TENM3: variants seen among roughly 807,000 people sequenced by gnomAD.
TENM3 encodes the protein teneurin-3.
A neutral mutation model predicts 255.1 loss-of-function variants in TENM3; 63 were observed. That is an observed-to-expected ratio of 0.25 (90% CI 0.20 to 0.30). The LOEUF is 0.30. Among genes scored for constraint, TENM3 ranks in the 10% least tolerant of loss-of-function variants. The pLI, the probability that TENM3 is intolerant of heterozygous loss-of-function variation, is 1.00. For synonymous variants in TENM3, 1,306 were observed against 1,322.3 expected (o/e 0.99, Z 0.27); for missense variants, 2,929 against 3,461.1 (o/e 0.85, Z 3.86).
At chr4:181,580,844 T>A in the TENM3 span, among the ~76,000 whole-genome samples, 33 of 152,266 alleles carry the variant, frequency 2.2e-4, no homozygotes, top group African/African-American at 7.0e-4. Flanking sequence ...TGGTGGTGCC[T>A]GTAGGTTCAG....
At chr4:181,609,332 A>T in the TENM3 span, among the ~76,000 whole-genome samples, 1,935 of 152,326 alleles carry the variant, frequency 0.013, 22 homozygotes, top group Middle Eastern at 0.02. Flanking sequence ...TGCTTTTTTC[A>T]TAATAGCCAG....
chr4:182,054,326 A>G, the TENM3 span, among the ~76,000 whole-genome samples: 1 of 152,168 alleles, frequency 6.6e-6, no homozygotes, highest in Admixed American at 6.5e-5. Context: ...CGGTGTGCTC[A>G]GTGCTTGGAA....
At chr4:181,463,999 C>T in the TENM3 span, among the ~76,000 whole-genome samples, 1 of 152,146 alleles carries the variant, frequency 6.6e-6, no homozygotes, top group Non-Finnish European at 1.5e-5. Flanking sequence ...CTTTTATTGG[C>T]AAACAATACT....
At chr4:182,685,882 CAA>C (rs1756532717) in intron 11 of TENM3, among the ~76,000 whole-genome samples, 1 of 151,914 alleles carries the variant, frequency 6.6e-6, no homozygotes, top group Non-Finnish European at 1.5e-5. Context: ...CTAAATAACT[CAA>C]AAGTTAATTC....
intron 3 of TENM3, among the ~76,000 whole-genome samples, chr4:182,504,540 G>A (rs1736627443): frequency 6.6e-6 from 1 of 152,148 alleles, no homozygotes; most frequent in African/African-American, 2.4e-5. Context: ...CTGTGAATAG[G>A]TGATTTCTTG....
chr4:182,570,619 G>A (rs542991395), intron 3 of TENM3, among the ~76,000 whole-genome samples: 2 of 152,192 alleles, frequency 1.3e-5, no homozygotes, highest in Non-Finnish European at 2.9e-5. Context: ...GGAGGCCAAG[G>A]CAGGCGGATC....
the TENM3 span, among the ~76,000 whole-genome samples, chr4:181,570,494 C>T: frequency 6.7e-6 from 1 of 149,940 alleles, no homozygotes; most frequent in South Asian, 2.1e-4. Context: ...GAGAAAGACC[C>T]TGTCTCAGCG....
the TENM3 span, among the ~76,000 whole-genome samples, chr4:181,673,995 C>A: frequency 6.6e-6 from 1 of 151,828 alleles, no homozygotes; most frequent in Non-Finnish European, 1.5e-5. Context: ...CTTTTCTTTT[C>A]TTTATTTATT....
the TENM3 span, among the ~76,000 whole-genome samples, chr4:181,986,821 A>G: frequency 7.1e-4 from 108 of 152,254 alleles, 1 homozygote; most frequent in East Asian, 0.018. Context: ...TTAAATGATG[A>G]CATAGATATA....
the TENM3 span, among the ~76,000 whole-genome samples, chr4:182,011,771 A>G: frequency 1.0e-2 from 1,517 of 152,276 alleles, 28 homozygotes; most frequent in African/African-American, 0.035. Context: ...GAGTCTATTC[A>G]GCTTTCCTTT....
At chr4:181,638,884 T>C in the TENM3 span, among the ~76,000 whole-genome samples, 3 of 152,252 alleles carry the variant, frequency 2.0e-5, no homozygotes, top group Admixed American at 1.3e-4. Context: ...ATCCGTGTAT[T>C]AATAACTGAC....
At position 182,316,345 on chromosome 4, in the gene TENM3, C is replaced by T. The variant is rs77572325; in HGVS notation, c.-75-7601C>T. Among the ~76,000 whole-genome samples, 316 of 152,134 alleles carry T rather than the reference C, an allele frequency of 2.1e-3. 9 individuals are homozygous for T. The East Asian group carries it at 0.058, about 28-fold the overall frequency. On this transcript the variant is annotated intron_variant, in intron 1 of 27. Coordinates refer to ENST00000511685, the MANE Select transcript of TENM3 (RefSeq NM_001080477.4). ...GCAAGAACTTTCTGAGTACATCGCC[C>T]AGTGAAGTATGAATTTTTTTTTTTT...
the TENM3 span, among the ~76,000 whole-genome samples, chr4:181,920,614 T>C: frequency 2.0e-5 from 3 of 152,224 alleles, no homozygotes; most frequent in East Asian, 3.9e-4. Flanking sequence ...TTTGAGTTCA[T>C]TGTAGATTCT....
In TENM3 at chr4:182,432,665, T is replaced by C. The variant is rs565931308; in HGVS notation, c.511+85736T>C. On this transcript the variant is annotated intron_variant, in intron 3 of 27. Coordinates refer to ENST00000511685, the MANE Select transcript of TENM3 (RefSeq NM_001080477.4). ...ATAGGTGTTAGCCAAGGAAGGATGC[T>C]CTTCCAGACACAGAGGAGAAATGTC... Among the ~76,000 whole-genome samples, 5 of 152,294 alleles carry C rather than the reference T, an allele frequency of 3.3e-5. No homozygotes were observed. The East Asian group carries it at 7.7e-4, about 24-fold the overall frequency.
At chr4:182,558,847 A>G (rs142937698) in intron 3 of TENM3, among the ~76,000 whole-genome samples, 165 of 152,270 alleles carry the variant, frequency 1.1e-3, no homozygotes, top group African/African-American at 3.9e-3. Context: ...TGGAGATGTT[A>G]TAATTCCAAA....
intron 3 of TENM3, among the ~76,000 whole-genome samples, chr4:182,474,066 A>AATTACC (rs1733425413): frequency 6.6e-6 from 1 of 152,160 alleles, no homozygotes; most frequent in South Asian, 2.1e-4. Flanking sequence ...GCTGCTCTAG[A>AATTACC]ATGGGCATTG....
At chr4:182,646,972 AT>A (rs1221695648) in intron 5 of TENM3, among the ~76,000 whole-genome samples, 1 of 152,142 alleles carries the variant, frequency 6.6e-6, no homozygotes, top group Non-Finnish European at 1.5e-5. Context: ...ACCCTTGAAA[AT>A]CCTGATTCTG....
At chr4:181,477,542 A>C in the TENM3 span, among the ~76,000 whole-genome samples, 1 of 152,218 alleles carries the variant, frequency 6.6e-6, no homozygotes, top group African/African-American at 2.4e-5. Context: ...CAACTCTTAC[A>C]TGTCTACCTA....
chr4:181,477,912 C>T, the TENM3 span, among the ~76,000 whole-genome samples: 2 of 151,972 alleles, frequency 1.3e-5, no homozygotes, highest in African/African-American at 4.8e-5. Context: ...TTTAAATGGC[C>T]TTACCCTCCC....
Sources: allele counts gnomAD v4.1 joint callset (sites outside exome capture counted in the v4.1 genomes callset), GRCh38; gene constraint gnomAD v4.1.1; transcripts MANE v1.5; gene names NCBI Gene and HGNC (gene_info 2026-07-23, HGNC 2026-07-21).